PSPC1: variants seen among roughly 807,000 people sequenced by gnomAD.
The protein encoded by PSPC1 is paraspeckle component 1, also known as paraspeckle protein 1.
PSPC1 carries 14 observed loss-of-function variants against 51.6 expected under a neutral mutation model. That is an observed-to-expected ratio of 0.27 (90% confidence interval 0.18 to 0.42). PSPC1 has a LOEUF of 0.42. Among genes scored for constraint, PSPC1 ranks in the 10% least tolerant of loss-of-function variants. The pLI is 1.00. For synonymous variants in PSPC1, 193 were observed against 231.9 expected (o/e 0.83, Z 1.53); for missense variants, 406 against 701.1 (o/e 0.58, Z 4.75).
chr13:19,752,590 A>ATT (rs1217132646), intron 3 of PSPC1, among the ~76,000 whole-genome samples: 1 of 149,920 alleles, frequency 6.7e-6, no homozygotes, highest in East Asian at 2.0e-4. Flanking sequence ...TTATTTATTT[A>ATT]TTTATTTATT....
intron 6 of PSPC1, among the ~76,000 whole-genome samples, chr13:19,696,339 T>C (rs999495304): frequency 1.3e-5 from 2 of 152,148 alleles, no homozygotes; most frequent in Admixed American, 6.6e-5. Flanking sequence ...TTCTGGGATA[T>C]TAAAGGACTG....
chr13:19,760,340 C>T (rs970236142), intron 2 of PSPC1, among the ~76,000 whole-genome samples: 3 of 151,886 alleles, frequency 2.0e-5, no homozygotes, highest in Non-Finnish European at 2.9e-5. Context: ...CCAACATGGC[C>T]AACGTGGTGA....
chr13:19,710,740 A>C (rs1340370176), intron 6 of PSPC1, among the ~76,000 whole-genome samples: 1 of 152,160 alleles, frequency 6.6e-6, no homozygotes, highest in African/African-American at 2.4e-5. Context: ...GCTACGGTAC[A>C]ATGAATGAAG....
At chr13:19,760,407 A>T (rs1396945660) in intron 2 of PSPC1, among the ~76,000 whole-genome samples, 1 of 152,008 alleles carries the variant, frequency 6.6e-6, no homozygotes, top group Non-Finnish European at 1.5e-5. Flanking sequence ...ACACGCCTGT[A>T]GTCCCAGCTA....
At chr13:19,685,622 G>A (rs926991483) in intron 6 of PSPC1, among the ~76,000 whole-genome samples, 1 of 152,198 alleles carries the variant, frequency 6.6e-6, no homozygotes, top group Non-Finnish European at 1.5e-5. Context: ...TCATATGCTA[G>A]TGCACAATCA....
rs201779020 is a variant in PSPC1, at chr13:19,742,277, C to A, written c.968-628G>T. On this transcript the variant is annotated intron_variant, in intron 4 of 8. Coordinates refer to ENST00000338910, the MANE Select transcript of PSPC1 (RefSeq NM_001354909.2). The stretch of plus-strand genomic sequence containing the variant: ...CTCAATCTCAAAAAAAAAAAAAAAA[C>A]AAACAAATAAATAAATAAAAATTCA... 0.017 allele frequency among the ~76,000 whole-genome samples: 1,705 copies of A among 98,996 alleles called. 52 individuals are homozygous for A. The East Asian group carries it at 0.18, about 10-fold the overall frequency. The allele number at this position is 98,996 out of a possible 152,430, so 64.9% of individuals were successfully genotyped here.
At chr13:19,703,794 T>A (rs1880268120) in intron 8 of PSPC1, among the ~76,000 whole-genome samples, 1 of 152,030 alleles carries the variant, frequency 6.6e-6, no homozygotes, top group Non-Finnish European at 1.5e-5. Context: ...AAAGTAAACA[T>A]TCTAAAAAAA....
chr13:19,760,945 G>A (rs981388128), intron 2 of PSPC1, among the ~76,000 whole-genome samples: 3 of 150,756 alleles, frequency 2.0e-5, no homozygotes, highest in African/African-American at 7.3e-5. Flanking sequence ...CCAAGATCAC[G>A]CCACTGCACT....
At chr13:19,740,935 C>G (rs1024038719) in intron 5 of PSPC1, among the ~76,000 whole-genome samples, 1 of 151,226 alleles carries the variant, frequency 6.6e-6, no homozygotes, top group African/African-American at 2.4e-5. Context: ...AGTGCAGTGG[C>G]AAGATCTCAG....
At chr13:19,768,035 T>C (rs937803529) in intron 2 of PSPC1, among the ~76,000 whole-genome samples, 12 of 151,660 alleles carry the variant, frequency 7.9e-5, no homozygotes, top group Admixed American at 2.0e-4. Flanking sequence ...CTGGGTGACA[T>C]AGCAAGACCT....
chr13:19,758,308 G>A (rs1179009442), intron 3 of PSPC1, among the ~76,000 whole-genome samples: 9 of 147,784 alleles, frequency 6.1e-5, no homozygotes, highest in South Asian at 2.1e-4. Context: ...GTGAGACTCC[G>A]TCTCAAAAAA....
At position 19,759,375 on chromosome 13, in the gene PSPC1, C is replaced by G; in HGVS notation, c.718G>C (p.Asp240His). ...AGCTTCTCTGGCAAGCCATCTTCAT[C>G]ATCAAACTGCTCCATGGGTTCCACA... ...VIVEPMEQFD[D>H]EDGLPEKLMQ... The change falls in exon 3 of 9, where the codon GAT becomes CAT. Residue 240 changes from aspartate (D) to histidine (H), a missense_variant. Physicochemically the swap from Asp to His is moderately conservative, Grantham distance 81. Around this residue, in one of 5 missense-constraint regions of PSPC1, gnomAD observed 180 missense variants for 337.9 expected, o/e 0.53. Transcript: ENST00000338910. 1 of 1,614,148 alleles carries G rather than the reference C, an allele frequency of 6.2e-7. No individual in the cohort carries two copies. The highest frequency in any genetic ancestry group is 8.5e-7 in the Non-Finnish European group (1 of 1,180,008).
chr13:19,778,254 T>C (rs1018518709), intron 1 of PSPC1, among the ~76,000 whole-genome samples: 1 of 151,366 alleles, frequency 6.6e-6, no homozygotes, highest in Non-Finnish European at 1.5e-5. Context: ...AAAAAAAAAT[T>C]ACACTATCTT....
intron 4 of PSPC1, among the ~76,000 whole-genome samples, chr13:19,742,512 G>T (rs1885537725): frequency 6.6e-6 from 1 of 152,116 alleles, no homozygotes; most frequent in Admixed American, 6.6e-5. Context: ...GCCAAGGCAG[G>T]CGGATCACCT....
chr13:19,748,930 C>T (rs372113809), intron 4 of PSPC1, among the ~76,000 whole-genome samples: 14 of 152,108 alleles, frequency 9.2e-5, no homozygotes, highest in African/African-American at 3.4e-4. Context: ...GATCTCTTGG[C>T]TGGGCACGGT....
At chr13:19,733,194 G>T (rs1884345351) in intron 5 of PSPC1, among the ~76,000 whole-genome samples, 1 of 152,162 alleles carries the variant, frequency 6.6e-6, no homozygotes, top group African/African-American at 2.4e-5. Context: ...GGGAGACAAG[G>T]TTCACTGACA....
At chr13:19,746,141 C>T (rs1277446385) in intron 4 of PSPC1, among the ~76,000 whole-genome samples, 2 of 151,640 alleles carry the variant, frequency 1.3e-5, no homozygotes, top group East Asian at 3.9e-4. Context: ...GAGCAGCTCA[C>T]ACCTATAATC....
At chr13:19,693,954 T>G (rs926303181) in intron 6 of PSPC1, among the ~76,000 whole-genome samples, 2 of 151,642 alleles carry the variant, frequency 1.3e-5, no homozygotes, top group Non-Finnish European at 2.9e-5. Flanking sequence ...AAACCCCATC[T>G]CTACTAAAAA....
intron 6 of PSPC1, among the ~76,000 whole-genome samples, chr13:19,721,474 A>C (rs1203980320): frequency 6.6e-6 from 1 of 152,200 alleles, no homozygotes; most frequent in Non-Finnish European, 1.5e-5. Context: ...AAAAGACATG[A>C]GGTATACCTA....
Sources: gnomAD v4.1 joint callset for allele counts (sites outside exome capture counted in the v4.1 genomes callset) on GRCh38, gnomAD v4.1.1 for gene constraint, gnomAD v4.1.1 regional missense constraint, MANE v1.5 for transcripts, NCBI Gene and HGNC (gene_info 2026-07-23, HGNC 2026-07-21) for gene names.